Variants in MFN2 observed in about 807,000 individuals in gnomAD.
MFN2 encodes mitofusin 2, also known as mitofusin-2.
MFN2 carries 43 observed loss-of-function variants against 87.5 expected under a neutral mutation model. The observed-to-expected ratio is 0.49, with a 90% CI of 0.38 to 0.63. MFN2 has a LOEUF of 0.63. Ranked by LOEUF, MFN2 falls within the 30% of genes least tolerant of loss-of-function variation. MFN2 has a pLI of 0.00. For missense variants in MFN2, 743 were observed against 972.8 expected (o/e 0.76, Z 3.14); for synonymous variants, 337 against 359.9 (o/e 0.94, Z 0.72).
At chr1:11,983,088 G>C (rs1646015188) in intron 2 of MFN2, among the ~76,000 whole-genome samples, 1 of 151,930 alleles carries the variant, frequency 6.6e-6, no homozygotes, top group South Asian at 2.1e-4. Context: ...ACAGAGTCTT[G>C]CTCTGTCACC....
intron 2 of MFN2, among the ~76,000 whole-genome samples, chr1:11,983,506 C>T (rs1277528851): frequency 6.6e-6 from 1 of 152,216 alleles, no homozygotes; most frequent in African/African-American, 2.4e-5. Context: ...CTCCAGAGCA[C>T]TTATGAGGCA....
At chr1:11,984,366 GGA>G (rs141914119) in intron 2 of MFN2, among the ~76,000 whole-genome samples, 1 of 152,166 alleles carries the variant, frequency 6.6e-6, no homozygotes, top group Non-Finnish European at 1.5e-5. Context: ...GGGTGTTCAT[GGA>G]GAGAGTCTTG....
chr1:11,997,274 T>C (rs776847532), intron 5 of MFN2, 23 bp from the exon 6 acceptor site: 1 of 1,613,854 alleles, frequency 6.2e-7, no homozygotes, highest in South Asian at 1.1e-5. Flanking sequence ...CTCAGCCTCT[T>C]TCTTTCCTTC....
At chr1:11,998,103 T>C (rs373789539) in intron 6 of MFN2, among the ~76,000 whole-genome samples, 217 of 151,184 alleles carry the variant, frequency 1.4e-3, no homozygotes, top group Middle Eastern at 6.8e-3. Flanking sequence ...AGGCTGGTCT[T>C]GAACTGCTGA....
At chr1:12,009,831 C>T in intron 18 of MFN2, 105 bp downstream of exon 18, 1 of 1,538,894 alleles carries the variant, frequency 6.5e-7, no homozygotes, top group Non-Finnish European at 8.9e-7. Context: ...ACAAATTTTT[C>T]TGGTGGGGAT....
At chr1:11,980,581 C>T (rs992805759) in intron 1 of MFN2, 97 bp downstream of exon 1, 10 of 396,908 alleles carry the variant, frequency 2.5e-5, no homozygotes, top group Non-Finnish European at 4.4e-5. Context: ...TCTGGGGCCA[C>T]GGGGGTCTGG....
rs551445295 is a variant in MFN2 at position 12,008,463 on chromosome 1, C to T, written c.2070-1129C>T. 3.7e-3 allele frequency among the ~76,000 whole-genome samples: 520 copies of T among 142,378 alleles called. 1 individual carries two copies. The highest frequency in any genetic ancestry group is 0.014 in the African/African-American group (492 of 34,024). The allele number at this position is 142,378 out of a possible 152,430, so 93.4% of individuals were successfully genotyped here. A position where few individuals can be genotyped will look rare whatever the true frequency, so the allele number is the denominator to read the frequency against. On this transcript the variant is annotated intron_variant, in intron 17 of 18. Transcript: ENST00000235329. ...CTCCCGGACGGGGCGGCTGGCCGGG[C>T]GGGGACTGACCCCCCACCTCCCGGA...
At chr1:11,987,064 C>A (rs1431810357) in intron 2 of MFN2, among the ~76,000 whole-genome samples, 1 of 152,208 alleles carries the variant, frequency 6.6e-6, no homozygotes, top group East Asian at 1.9e-4. Flanking sequence ...ATTCCCAGCA[C>A]TTCGGGAGGC....
chr1:12,008,500 C>T (rs1639534825), intron 17 of MFN2, among the ~76,000 whole-genome samples: 1 of 151,718 alleles, frequency 6.6e-6, no homozygotes, highest in African/African-American at 2.4e-5. Context: ...GGGGCGGCTG[C>T]TAGGCGGAGA....
Position 11,996,282 on chromosome 1 carries a change from C to G in MFN2, c.438C>G (p.Leu146=). ...VEGTDGHEAF[L]LTEGSEEKRS... ...GCACAGATGGCCATGAGGCCTTTCT[C>G]CTTACCGAGGGCTCAGAGGAAAAGA... The change falls in exon 5 of 19, where the codon CTC becomes CTG. Residue 146 remains leucine, a synonymous_variant. Transcript: ENST00000235329. 1 of 1,614,158 alleles carries G rather than the reference C, an allele frequency of 6.2e-7. No homozygotes were observed. Among genetic ancestry groups the G allele is most frequent in the Non-Finnish European group, 8.5e-7 (1 of 1,180,024 alleles).
In MFN2 at chr1:11,989,127, G is replaced by C. The variant is rs1638556600; in HGVS notation, c.-4-38G>C. The stretch of plus-strand genomic sequence containing the variant: ...CTCCCTAGCAGGATGTCCCGAGGTA[G>C]GTGTTGCTGGGTTCGCTCACGTTAG... On this transcript the variant is annotated intron_variant, in intron 2 of 18. Coordinates refer to ENST00000235329, the MANE Select transcript of MFN2 (RefSeq NM_014874.4). 4 of 1,610,094 alleles carry C rather than the reference G, an allele frequency of 2.5e-6. No homozygotes were observed. The African/African-American group carries it at 5.3e-5, about 21-fold the overall frequency.
chr1:12,001,314 C>T, intron 8 of MFN2, 87 bp from the exon 9 acceptor site: 2 of 1,557,168 alleles, frequency 1.3e-6, no homozygotes, highest in Non-Finnish European at 1.7e-6. Context: ...TGCCCAGCCT[C>T]TTATGACCTA....
intron 3 of MFN2, among the ~76,000 whole-genome samples, chr1:11,991,960 C>T (rs1199686118): frequency 9.0e-6 from 1 of 111,352 alleles, no homozygotes; most frequent in African/African-American, 3.4e-5. Context: ...AAAGAAGTGA[C>T]ATAGAGTGGT....
In MFN2 at chr1:12,004,238, T is replaced by C. The variant is rs1307146786; in HGVS notation, c.1287+120T>C. 3 of 1,384,796 alleles carry C rather than the reference T, an allele frequency of 2.2e-6. No homozygotes were observed. Among genetic ancestry groups the C allele is most frequent in the Non-Finnish European group, 2.0e-6 (2 of 993,816 alleles). The allele number at this position is 1,384,796 out of a possible 1,614,324, so 85.8% of individuals were successfully genotyped here. On this transcript the variant is annotated intron_variant, in intron 12 of 18. Transcript: ENST00000235329. This position sits in a 1 kb window ranked among gnomAD's most constrained non-coding sequence, Gnocchi z 4.2. ...TTCAGAAGAAAGTTGTGGCCCTGTT[T>C]CAAGAATACAGAGCTGCCGTTTGGG...
At chr1:11,991,699 C>T (rs899580817) in intron 3 of MFN2, among the ~76,000 whole-genome samples, 12 of 151,734 alleles carry the variant, frequency 7.9e-5, no homozygotes, top group South Asian at 2.1e-4. Flanking sequence ...CCGAGGCGGG[C>T]GGATCACGAG....
chr1:12,011,833 CT>C lies in MFN2; in HGVS notation c.*273del. The stretch of plus-strand genomic sequence containing the variant: ...ATGGTACCAAGGAGTTAAGTTGAGG[CT>C]TTTTCCAGCTTTCTCTGGTTCATTT... On this transcript the variant is annotated 3_prime_UTR_variant, in exon 19 of 19. Transcript: ENST00000235329. 1 of 545,678 alleles carries C rather than the reference CT, an allele frequency of 1.8e-6. No individual in the cohort carries two copies. Among genetic ancestry groups the C allele is most frequent in the Non-Finnish European group, 3.3e-6 (1 of 303,046 alleles). 33.8% of individuals were successfully genotyped at this position (545,678 alleles called of 1,614,324 possible). A position where few individuals can be genotyped will look rare whatever the true frequency, so the allele number is the denominator to read the frequency against.
rs1384393483 is a variant in MFN2, at chr1:12,012,881, CCT to C, written c.*1320_*1321del. 1 of 153,522 alleles carries C rather than the reference CCT, an allele frequency of 6.5e-6. No homozygotes were observed. Among genetic ancestry groups the C allele is most frequent in the Non-Finnish European group, 1.5e-5 (1 of 68,938 alleles). 9.5% of individuals were successfully genotyped at this position (153,522 alleles called of 1,614,324 possible). ...GATCGCTTCCTAGAAATAAGCAACA[CCT>C]CTCCCAAAAAGCAGCCCACAAGGCA... On this transcript the variant is annotated 3_prime_UTR_variant, in exon 19 of 19. Transcript: ENST00000235329.
At chr1:11,987,487 G>GGGCATGGTGGCGAGTGCCTGTAGTCCCA (rs1485887229) in intron 2 of MFN2, among the ~76,000 whole-genome samples, 50 of 151,786 alleles carry the variant, frequency 3.3e-4, no homozygotes, top group Non-Finnish European at 5.4e-4. Context: ...AAAATTAGCC[G>GGGCATGGTGGCGAGTGCCTGTAGTCCCA]GGCATGGTGG....
At chr1:11,998,609 G>A (rs1013906991) in intron 6 of MFN2, among the ~76,000 whole-genome samples, 161 bp from the exon 7 acceptor site, 1 of 152,150 alleles carries the variant, frequency 6.6e-6, no homozygotes. Context: ...GATAGGAAAT[G>A]GGAAGTAAAA....
Sources: allele counts gnomAD v4.1 joint callset (sites outside exome capture counted in the v4.1 genomes callset), GRCh38; gene constraint gnomAD v4.1.1; non-coding constraint Gnocchi (gnomAD v3.1); transcripts MANE v1.5; gene names NCBI Gene and HGNC (gene_info 2026-07-23, HGNC 2026-07-21).